Variants in DAAM2 observed in about 807,000 individuals in gnomAD.
DAAM2 encodes dishevelled associated activator of morphogenesis 2, also known as disheveled-associated activator of morphogenesis 2.
A neutral mutation model predicts 120.7 loss-of-function variants in DAAM2; 39 were observed. The ratio of observed to expected loss-of-function variants is 0.32; its 90% CI spans 0.25 to 0.42. DAAM2 has a LOEUF of 0.42. Ranked by LOEUF, DAAM2 falls within the 10% of genes least tolerant of loss-of-function variation. The pLI, the probability that DAAM2 is intolerant of heterozygous loss-of-function variation, is 1.00. For synonymous variants in DAAM2, 488 were observed against 524.9 expected (o/e 0.93, Z 0.96); for missense variants, 1,283 against 1,401.7 (o/e 0.92, Z 1.35).
In DAAM2 at chr6:39,835,224, C is replaced by A. The variant is rs145373182; in HGVS notation, c.-56-21023C>A. Reference sequence around the variant, plus strand: ...CTGGACATAGGGGTCCAGGTAGTGACTGAAGATGGCATGCATTGAGACTCA... The same window carrying A: ...CTGGACATAGGGGTCCAGGTAGTGAATGAAGATGGCATGCATTGAGACTCA... On this transcript the variant is annotated intron_variant, in intron 1 of 24. Coordinates refer to ENST00000274867, the MANE Select transcript of DAAM2 (RefSeq NM_001201427.2). Among the ~76,000 whole-genome samples the A allele has an allele frequency of 3.8e-3, 582 of 152,354 alleles. 1 individual carries two copies. The highest frequency in any genetic ancestry group is 0.013 in the African/African-American group (524 of 41,562).
intron 14 of DAAM2, chr6:39,879,989 C>T (rs1184969998): frequency 5.1e-6 from 1 of 194,748 alleles, no homozygotes; most frequent in Non-Finnish European, 1.1e-5. Flanking sequence ...GAGTATTATC[C>T]ACTAATAATC....
chr6:39,792,762 A>T (rs1017428725), intron 1 of DAAM2, among the ~76,000 whole-genome samples: 2 of 152,202 alleles, frequency 1.3e-5, no homozygotes, highest in Non-Finnish European at 2.9e-5. Flanking sequence ...AAAACTTTTT[A>T]AAAATGTTTT....
At chr6:39,897,137 C>G in intron 20 of DAAM2, 38 bp from the exon 21 acceptor site, 1 of 1,564,050 alleles carries the variant, frequency 6.4e-7, no homozygotes, top group Non-Finnish European at 8.8e-7. Flanking sequence ...TGCCCAGTTT[C>G]CTCTGTCACT....
In DAAM2 at chr6:39,903,134, T is replaced by C. The variant is rs1045244330; in HGVS notation, c.*1097T>C. On this transcript the variant is annotated 3_prime_UTR_variant, in exon 25 of 25. Coordinates refer to ENST00000274867, the MANE Select transcript of DAAM2 (RefSeq NM_001201427.2). Reference sequence around the variant, plus strand: ...ACTTGGAACCATGTGTCCACTGGCGTTGGGGAGTTGGTTCCTGAGAGGTCT... The same window carrying C: ...ACTTGGAACCATGTGTCCACTGGCGCTGGGGAGTTGGTTCCTGAGAGGTCT... 6.6e-6 allele frequency: 1 copy of C among 152,158 alleles called. No homozygotes were observed. Among genetic ancestry groups the C allele is most frequent in the Non-Finnish European group, 1.5e-5 (1 of 68,056 alleles). 9.4% of individuals were successfully genotyped at this position (152,158 alleles called of 1,614,324 possible). A position where few individuals can be genotyped will look rare whatever the true frequency, so the allele number is the denominator to read the frequency against.
intron 1 of DAAM2, among the ~76,000 whole-genome samples, chr6:39,813,719 G>A (rs1762231072): frequency 1.3e-5 from 2 of 152,162 alleles, no homozygotes; most frequent in Admixed American, 1.3e-4. Flanking sequence ...CTTTCCCACA[G>A]CTTCCCACCT....
In DAAM2 at chr6:39,867,835, C is replaced by G; in HGVS notation, c.754C>G (p.Arg252Gly). ...CCAGGTGTATGCAGCAGAGCGAACCCGCTTCCAGGTGAGGGGCCAGGCTGG... is the reference window on the plus strand; with the variant it reads ...CCAGGTGTATGCAGCAGAGCGAACCGGCTTCCAGGTGAGGGGCCAGGCTGG... ...HYQVYAAERTRFQTLLNELDR... is the reference protein window; with the variant it reads ...HYQVYAAERTGFQTLLNELDR... Residue 252 changes from arginine (R) to glycine (G), a missense_variant, in exon 6 of 25, where the codon CGC (arginine) becomes GGC (glycine). This residue lies in a region of DAAM2 where 338 missense variants were observed against 443.9 expected (regional missense o/e 0.76). Transcript: ENST00000274867. 1.3e-6 allele frequency: 2 copies of G among 1,583,230 alleles called. No individual in the cohort carries two copies. Among genetic ancestry groups the G allele is most frequent in the Non-Finnish European group, 1.7e-6 (2 of 1,165,544 alleles).
Position 39,904,764 on chromosome 6 carries a change from A to C in DAAM2, c.*2727A>C, listed in dbSNP as rs1766728046. 1.5e-5 allele frequency: 7 copies of C among 454,002 alleles called. No homozygotes were observed. Among genetic ancestry groups the C allele is most frequent in the South Asian group, 1.1e-4 (7 of 64,472 alleles). The allele number at this position is 454,002 out of a possible 1,614,324, so 28.1% of individuals were successfully genotyped here. A position where few individuals can be genotyped will look rare whatever the true frequency, so the allele number is the denominator to read the frequency against. On this transcript the variant is annotated 3_prime_UTR_variant, in exon 25 of 25. Transcript: ENST00000274867. ...TTCTCACCAGCTGCCTCAGATGACAAATGAGGCTAATGGACATAATCTACA... is the reference window on the plus strand; with the variant it reads ...TTCTCACCAGCTGCCTCAGATGACACATGAGGCTAATGGACATAATCTACA...
rs553107998 is a variant in DAAM2, at chr6:39,873,125, G to A, written c.1045-113G>A. 4.3e-6 allele frequency: 3 copies of A among 699,928 alleles called. No homozygotes were observed. The African/African-American group carries it at 5.3e-5, about 12-fold the overall frequency. 43.4% of individuals were successfully genotyped at this position (699,928 alleles called of 1,614,324 possible). On this transcript the variant is annotated intron_variant, in intron 9 of 24. Coordinates refer to ENST00000274867, the MANE Select transcript of DAAM2 (RefSeq NM_001201427.2). Reference sequence around the variant, plus strand: ...TTTTAAGCCTGGGCCAGAGGCAGGGGAAGAAAACCTTTCCTATGAGACAGG... The same window carrying A: ...TTTTAAGCCTGGGCCAGAGGCAGGGAAAGAAAACCTTTCCTATGAGACAGG...
In DAAM2 at chr6:39,879,435, T is replaced by C. The variant is rs1765023610; in HGVS notation, c.1803T>C (p.Pro601=). ...VPLRKKRVPQ[P]SHPLKSFNWV... ...TCAGGAAAAAGCGTGTCCCCCAGCC[T>C]TCTCACCCACTGAAGTCCTTCAACT... Residue 601 remains proline, a synonymous_variant, in exon 14 of 25, where the codon CCT becomes CCC. Coordinates refer to ENST00000274867, the MANE Select transcript of DAAM2 (RefSeq NM_001201427.2). 1 of 1,613,774 alleles carries C rather than the reference T, an allele frequency of 6.2e-7. No individual in the cohort carries two copies. The highest frequency in any genetic ancestry group is 1.3e-5 in the African/African-American group (1 of 74,898).
intron 1 of DAAM2, among the ~76,000 whole-genome samples, chr6:39,811,317 GT>G (rs1762155082): frequency 6.6e-6 from 1 of 151,924 alleles, no homozygotes; most frequent in Non-Finnish European, 1.5e-5. Flanking sequence ...ATGTTGTTTT[GT>G]TTTCTCTCTC....
chr6:39,796,383 C>CG (rs1042125483), intron 1 of DAAM2, among the ~76,000 whole-genome samples: 2 of 152,056 alleles, frequency 1.3e-5, no homozygotes, highest in Non-Finnish European at 2.9e-5. Context: ...TGGCCCAGAG[C>CG]GGGGGTCAGT....
At chr6:39,899,988 C>T in intron 22 of DAAM2, 89 bp from the exon 23 acceptor site, 1 of 1,422,320 alleles carries the variant, frequency 7.0e-7, no homozygotes. Flanking sequence ...GCTCAATGTC[C>T]TGTGAGTGAC....
At chr6:39,830,398 C>T (rs1020755028) in intron 1 of DAAM2, among the ~76,000 whole-genome samples, 2 of 152,116 alleles carry the variant, frequency 1.3e-5, no homozygotes, top group African/African-American at 4.8e-5. Context: ...TCATTCCACG[C>T]ACTCCCTCCC....
chr6:39,851,707 C>T (rs1178204787), intron 1 of DAAM2, among the ~76,000 whole-genome samples: 1 of 152,162 alleles, frequency 6.6e-6, no homozygotes, highest in Non-Finnish European at 1.5e-5. Flanking sequence ...GTGGGGGAAG[C>T]GCTCAGTACA....
In DAAM2 at chr6:39,903,896, AG is replaced by A; in HGVS notation, c.*1862del. ...AAGAGGCCATCCTGGAACCCAGGTG[AG>A]GGCAAGATGAAGGCTTCCAGGCAGA... On this transcript the variant is annotated 3_prime_UTR_variant, in exon 25 of 25. Coordinates refer to ENST00000274867, the MANE Select transcript of DAAM2 (RefSeq NM_001201427.2). 1 of 306,150 alleles carries A rather than the reference AG, an allele frequency of 3.3e-6. No homozygotes were observed. Among genetic ancestry groups the A allele is most frequent in the Non-Finnish European group, 6.3e-6 (1 of 158,668 alleles). 19.0% of individuals were successfully genotyped at this position (306,150 alleles called of 1,614,324 possible).
intron 1 of DAAM2, among the ~76,000 whole-genome samples, chr6:39,814,523 A>G (rs148109198): frequency 1.7e-4 from 26 of 152,306 alleles, no homozygotes; most frequent in African/African-American, 6.0e-4. Flanking sequence ...CAGATTTGGA[A>G]ACTAAAGTTT....
chr6:39,879,603 G>A (rs1239125222), intron 14 of DAAM2, 126 bp downstream of exon 14: 2 of 1,286,364 alleles, frequency 1.6e-6, no homozygotes, highest in East Asian at 2.3e-5. Flanking sequence ...GGTAAGGGCA[G>A]TCATGTGGAT....
At chr6:39,872,112 A>G (rs1056074172) in intron 9 of DAAM2, among the ~76,000 whole-genome samples, 1 of 152,114 alleles carries the variant, frequency 6.6e-6, no homozygotes, top group Non-Finnish European at 1.5e-5. Flanking sequence ...GTAGTATGGT[A>G]GTAGGGTTCT....
chr6:39,891,812 A>C, intron 19 of DAAM2, 90 bp downstream of exon 19: 2 of 955,178 alleles, frequency 2.1e-6, no homozygotes, highest in Admixed American at 5.7e-5. Flanking sequence ...GCAGAGGGAA[A>C]CCCCTTTCTT....
Sources: gnomAD v4.1 joint callset for allele counts (sites outside exome capture counted in the v4.1 genomes callset) on GRCh38, gnomAD v4.1.1 for gene constraint, gnomAD v4.1.1 regional missense constraint, MANE v1.5 for transcripts, NCBI Gene and HGNC (gene_info 2026-07-23, HGNC 2026-07-21) for gene names.